ADGRL3: variants seen among roughly 807,000 people sequenced by gnomAD.
ADGRL3 encodes calcium-independent alpha-latrotoxin receptor 3.
Under a neutral mutation model 153.5 loss-of-function variants are expected in ADGRL3, and 62 were observed. The observed-to-expected ratio is 0.40, with a 90% CI of 0.33 to 0.50. ADGRL3 has a LOEUF of 0.50. Among genes scored for constraint, ADGRL3 ranks in the 20% least tolerant of loss-of-function variants. The probability of loss-of-function intolerance (pLI) is 0.47; values close to 1 mark genes in which losing one functional copy is unlikely to be tolerated. For missense variants in ADGRL3, 1,641 were observed against 1,859.4 expected (o/e 0.88, Z 2.16); for synonymous variants, 710 against 672.5 (o/e 1.06, Z -0.86).
intron 4 of ADGRL3, among the ~76,000 whole-genome samples, chr4:61,562,712 A>G (rs1020956568): frequency 6.6e-6 from 1 of 152,144 alleles, no homozygotes; most frequent in African/African-American, 2.4e-5. Flanking sequence ...CCACAAATGC[A>G]GTTATATCCT....
intron 1 of ADGRL3, among the ~76,000 whole-genome samples, chr4:61,265,610 C>T (rs1222265009): frequency 6.6e-6 from 1 of 151,754 alleles, no homozygotes; most frequent in African/African-American, 2.4e-5. Flanking sequence ...AGTTTTGTTT[C>T]AGGAGAAAAA....
chr4:61,441,517 C>T (rs2097528112), intron 2 of ADGRL3, among the ~76,000 whole-genome samples: 1 of 35,272 alleles, frequency 2.8e-5, no homozygotes, highest in Non-Finnish European at 8.3e-5. Flanking sequence ...CCCCCTCTCA[C>T]TCTTTTTTTT....
At chr4:61,560,368 C>T (rs2098789768) in intron 4 of ADGRL3, among the ~76,000 whole-genome samples, 7 of 152,044 alleles carry the variant, frequency 4.6e-5, no homozygotes, top group Admixed American at 4.6e-4. Context: ...CATTTCCTTT[C>T]CACTTCAAAG....
chr4:61,454,020 T>G (rs1302360080), intron 2 of ADGRL3, among the ~76,000 whole-genome samples: 1 of 152,124 alleles, frequency 6.6e-6, no homozygotes, highest in Non-Finnish European at 1.5e-5. Flanking sequence ...GTAATTGAAT[T>G]AGTTTGGGTA....
intron 1 of ADGRL3, among the ~76,000 whole-genome samples, chr4:61,277,276 A>G (rs1458471502): frequency 6.6e-6 from 1 of 152,148 alleles, no homozygotes; most frequent in East Asian, 1.9e-4. Context: ...AGTTATAAGG[A>G]CTAGAGCTAT....
At chr4:61,963,955 G>A (rs984159789) in intron 17 of ADGRL3, among the ~76,000 whole-genome samples, 2 of 152,188 alleles carry the variant, frequency 1.3e-5, no homozygotes, top group South Asian at 4.1e-4. Flanking sequence ...GGCCCAGAGT[G>A]TCTCAAGACC....
At chr4:61,360,714 G>T (rs930635239) in intron 1 of ADGRL3, among the ~76,000 whole-genome samples, 8 of 152,028 alleles carry the variant, frequency 5.3e-5, no homozygotes. Context: ...AGCACATAAC[G>T]AAGGCTAAAA....
At position 61,372,521 on chromosome 4, in the gene ADGRL3, G is replaced by A. The variant is rs540672332; in HGVS notation, c.-239-10603G>A. On this transcript the variant is annotated intron_variant, in intron 1 of 26. Coordinates refer to ENST00000683033, the MANE Select transcript of ADGRL3 (RefSeq NM_001387552.1). ...GTGTCAGTGTGCCCCTGCTCATGGT[G>A]CCTACCAGTTAGGCTGCTCGGGGGT... Among the ~76,000 whole-genome samples, 12 of 152,306 alleles carry A rather than the reference G, an allele frequency of 7.9e-5. No individual in the cohort carries two copies. The South Asian group carries it at 2.5e-3, about 32-fold the overall frequency.
chr4:61,777,506 A>T (rs2097167031), intron 8 of ADGRL3, among the ~76,000 whole-genome samples: 2 of 152,230 alleles, frequency 1.3e-5, no homozygotes, highest in Admixed American at 1.3e-4. Context: ...ATTTTAGTGA[A>T]TATATTCAGT....
chr4:62,033,781 G>T (rs2151539119), intron 23 of ADGRL3, among the ~76,000 whole-genome samples: 1 of 151,716 alleles, frequency 6.6e-6, no homozygotes, highest in South Asian at 2.1e-4. Context: ...TGGAAATTTG[G>T]ACCAACATAA....
At chr4:62,007,484 A>G (rs112128369) in intron 21 of ADGRL3, among the ~76,000 whole-genome samples, 96 of 141,456 alleles carry the variant, frequency 6.8e-4, no homozygotes, top group African/African-American at 2.0e-3. Context: ...ATATATATAT[A>G]TGTATATATA....
At chr4:61,437,719 G>A (rs894165201) in intron 2 of ADGRL3, among the ~76,000 whole-genome samples, 5 of 151,984 alleles carry the variant, frequency 3.3e-5, no homozygotes, top group African/African-American at 4.8e-5. Context: ...AAATCCATGG[G>A]CAAGATTGTC....
intron 17 of ADGRL3, among the ~76,000 whole-genome samples, chr4:61,956,026 A>G (rs1394331664): frequency 2.6e-5 from 4 of 152,192 alleles, no homozygotes; most frequent in Non-Finnish European, 5.9e-5. Context: ...TAGTAGAATG[A>G]TTTATACTCC....
intron 19 of ADGRL3, among the ~76,000 whole-genome samples, chr4:61,994,890 G>T (rs563486161): frequency 1.3e-5 from 2 of 149,984 alleles, no homozygotes; most frequent in African/African-American, 4.9e-5. Context: ...ATTCTGTCCC[G>T]TACTTTTTTA....
chr4:61,585,279 G>T (rs968689971), intron 4 of ADGRL3, among the ~76,000 whole-genome samples: 1 of 151,964 alleles, frequency 6.6e-6, no homozygotes, highest in African/African-American at 2.4e-5. Flanking sequence ...TTTGCCTAGG[G>T]TCTATGGTAC....
intron 2 of ADGRL3, among the ~76,000 whole-genome samples, chr4:61,481,381 T>A (rs2152736220): frequency 6.6e-6 from 1 of 152,258 alleles, no homozygotes; most frequent in African/African-American, 2.4e-5. Flanking sequence ...TATAGGAAGA[T>A]GGACCTCAAA....
intron 8 of ADGRL3, among the ~76,000 whole-genome samples, chr4:61,804,321 T>C (rs1839617): frequency 0.17 from 25,347 of 152,064 alleles, 2,386 homozygotes; most frequent in African/African-American, 0.26. Context: ...CTGTCAAATC[T>C]TGCTGGGCCA....
At chr4:61,621,922 G>C (rs944883418) in intron 5 of ADGRL3, among the ~76,000 whole-genome samples, 2 of 152,110 alleles carry the variant, frequency 1.3e-5, no homozygotes, top group African/African-American at 4.8e-5. Context: ...AAGGGTAGAA[G>C]AAATTATTGT....
intron 25 of ADGRL3, among the ~76,000 whole-genome samples, chr4:62,061,519 A>G (rs1376586076): frequency 6.6e-6 from 1 of 151,954 alleles, no homozygotes; most frequent in Non-Finnish European, 1.5e-5. Context: ...AAGTAAGTTC[A>G]TGTTTACACC....
Sources: gnomAD v4.1 joint callset for allele counts (sites outside exome capture counted in the v4.1 genomes callset) on GRCh38, gnomAD v4.1.1 for gene constraint, MANE v1.5 for transcripts, NCBI Gene and HGNC (gene_info 2026-07-23, HGNC 2026-07-21) for gene names.